Variants in P3H2 observed in about 807,000 individuals in gnomAD.
P3H2 encodes the protein leprecan-like 1.
P3H2 carries 80 observed loss-of-function variants against 87.0 expected under a neutral mutation model. That is an observed-to-expected ratio of 0.92 (90% CI 0.77 to 1.11). P3H2 has a LOEUF of 1.11. Ranked by LOEUF, P3H2 falls within the 50% of genes least tolerant of loss-of-function variation. The probability of loss-of-function intolerance (pLI) is 0.00; values close to 1 mark genes in which losing one functional copy is unlikely to be tolerated. For missense variants in P3H2, 1,001 were observed against 923.9 expected (o/e 1.08, Z -1.08); for synonymous variants, 367 against 359.3 (o/e 1.02, Z -0.24).
chr3:189,994,757 A>T (rs533027950), intron 2 of P3H2, among the ~76,000 whole-genome samples: 68 of 94,720 alleles, frequency 7.2e-4, no homozygotes, highest in South Asian at 2.8e-3. Context: ...GTCAAAAATT[A>T]AAAAAAAAAA....
At chr3:190,121,871 C>T (rs1372647975), upstream of P3H2, among the ~76,000 whole-genome samples, 1 of 152,134 alleles carries the variant, frequency 6.6e-6, no homozygotes, top group Non-Finnish European at 1.5e-5. Flanking sequence ...GCGGGTGGAT[C>T]ACCTGAGGTC....
At chr3:189,990,660 T>A (rs531488729) in intron 3 of P3H2, among the ~76,000 whole-genome samples, 39 of 152,358 alleles carry the variant, frequency 2.6e-4, no homozygotes, top group African/African-American at 9.1e-4. Flanking sequence ...ATATTCTGAT[T>A]TTCTAATACA....
intron 1 of P3H2, among the ~76,000 whole-genome samples, chr3:190,020,144 T>C (rs1426133819): frequency 7.5e-6 from 1 of 132,856 alleles, no homozygotes; most frequent in Non-Finnish European, 1.7e-5. Context: ...CTGTGGTGGC[T>C]GCCACCTTCA....
Position 190,020,118 on chromosome 3 carries a change from A to G in P3H2, c.481-24676T>C, listed in dbSNP as rs527676179. Among the ~76,000 whole-genome samples the G allele has an allele frequency of 2.3e-5, 3 of 132,952 alleles. No individual in the cohort carries two copies. The Admixed American group carries it at 2.3e-4, about 10-fold the overall frequency. 87.2% of individuals were successfully genotyped at this position (132,952 alleles called of 152,430 possible). On this transcript the variant is annotated intron_variant, in intron 1 of 14. Coordinates refer to ENST00000319332, the MANE Select transcript of P3H2 (RefSeq NM_018192.4). ...GGTGAAAAGCTATCAAATTAGTTCA[A>G]AGTTTCTTCCATTATCTGTGGTGGC...
chr3:189,979,141 G>A (rs1195791915), intron 8 of P3H2, among the ~76,000 whole-genome samples: 1 of 151,982 alleles, frequency 6.6e-6, no homozygotes, highest in Non-Finnish European at 1.5e-5. Flanking sequence ...AACAAAAAAA[G>A]GGCAAGGCAC....
intron 1 of P3H2, among the ~76,000 whole-genome samples, chr3:190,013,569 G>A (rs1724660801): frequency 6.6e-6 from 1 of 152,202 alleles, no homozygotes; most frequent in Admixed American, 6.5e-5. Flanking sequence ...CAGGGCAAGG[G>A]TGAGACATGT....
intron 1 of P3H2, among the ~76,000 whole-genome samples, chr3:190,083,119 T>C (rs1203926728): frequency 6.6e-6 from 1 of 152,204 alleles, no homozygotes. Context: ...TATGATAAAA[T>C]TAATTTTCTA....
chr3:189,970,191 A>AAT (rs71175322), intron 13 of P3H2, among the ~76,000 whole-genome samples: 2,482 of 53,872 alleles, frequency 0.046, 137 homozygotes, highest in Middle Eastern at 0.078. Flanking sequence ...TATATATGCA[A>AAT]ATATATATAT....
chr3:190,086,894 G>A (rs890731377), intron 1 of P3H2, among the ~76,000 whole-genome samples: 1 of 152,126 alleles, frequency 6.6e-6, no homozygotes, highest in South Asian at 2.1e-4. Flanking sequence ...AACCAGAAGG[G>A]GACAGATTGG....
intron 1 of P3H2, among the ~76,000 whole-genome samples, chr3:189,998,123 A>T (rs935820084): frequency 6.6e-6 from 1 of 152,228 alleles, no homozygotes; most frequent in African/African-American, 2.4e-5. Flanking sequence ...ATCTGTTTCA[A>T]GGAGGTGAAT....
At chr3:190,047,237 C>T (rs1380581897) in intron 1 of P3H2, among the ~76,000 whole-genome samples, 8 of 152,098 alleles carry the variant, frequency 5.3e-5, no homozygotes, top group Non-Finnish European at 4.4e-5. Flanking sequence ...CAAAAGACTT[C>T]ATATAGCAAA....
chr3:189,987,498 A>G lies in P3H2; in HGVS notation c.1098+29T>C, dbSNP rs541908930. 8,497 of 1,575,646 alleles carry G rather than the reference A, an allele frequency of 5.4e-3. 24 individuals carry two copies. Among genetic ancestry groups the G allele is most frequent in the Non-Finnish European group, 6.8e-3 (7,848 of 1,159,990 alleles). On this transcript the variant is annotated intron_variant, in intron 5 of 14. Transcript: ENST00000319332. ...CTGTCTTAAAAAAAAAAAAAAAAAA[A>G]GAATTTCTTTTCAAAACATTGGTCT...
At chr3:190,080,759 C>G (rs914623159) in intron 1 of P3H2, among the ~76,000 whole-genome samples, 1 of 151,930 alleles carries the variant, frequency 6.6e-6, no homozygotes, top group Non-Finnish European at 1.5e-5. Flanking sequence ...ATTTGAGAGG[C>G]AAACCATAAA....
chr3:190,108,913 T>C (rs1711959140), intron 1 of P3H2, among the ~76,000 whole-genome samples: 4 of 152,246 alleles, frequency 2.6e-5, no homozygotes, highest in Admixed American at 2.0e-4. Flanking sequence ...GTGGAATTTC[T>C]AGCCAGAGGA....
At chr3:190,089,437 G>T (rs559156629) in intron 1 of P3H2, among the ~76,000 whole-genome samples, 4 of 152,294 alleles carry the variant, frequency 2.6e-5, no homozygotes, top group Non-Finnish European at 4.4e-5. Flanking sequence ...CAAAGTAGTT[G>T]TTTGAAACAA....
At chr3:190,041,020 CTATATA>C (rs71635315) in intron 1 of P3H2, among the ~76,000 whole-genome samples, 8,551 of 52,570 alleles carry the variant, frequency 0.16, 1,284 homozygotes, top group Middle Eastern at 0.46. Flanking sequence ...CATGGCTCTA[CTATATA>C]TATATATATA....
chr3:190,062,550 C>T (rs990972163), intron 1 of P3H2, among the ~76,000 whole-genome samples: 11 of 152,102 alleles, frequency 7.2e-5, no homozygotes, highest in South Asian at 6.2e-4. Context: ...ACTTGTAAGT[C>T]GTGGACTTAA....
intron 1 of P3H2, among the ~76,000 whole-genome samples, chr3:190,094,148 G>A (rs1293375371): frequency 1.3e-5 from 2 of 152,186 alleles, no homozygotes. Flanking sequence ...TCTACTGACT[G>A]GAACTATGGA....
rs116793366 is a variant in P3H2, at chr3:189,972,676, G to A, written c.1699+198C>T. ...ATTTGGAAGGGAAAATGTTCAGAAC[G>A]AGGGTTTTCTGGAACTTCAGAAGAA... On this transcript the variant is annotated intron_variant, in intron 11 of 14. Transcript: ENST00000319332. 3.9e-3 allele frequency among the ~76,000 whole-genome samples: 589 copies of A among 152,254 alleles called. 1 individual carries two copies. Among genetic ancestry groups the A allele is most frequent in the Middle Eastern group, 0.01 (3 of 294 alleles).
Sources: gnomAD v4.1 joint callset for allele counts (sites outside exome capture counted in the v4.1 genomes callset) on GRCh38, gnomAD v4.1.1 for gene constraint, MANE v1.5 for transcripts, NCBI Gene and HGNC (gene_info 2026-07-23, HGNC 2026-07-21) for gene names.